Variants in CSMD1 observed in about 807,000 individuals in gnomAD.
CSMD1 encodes the protein CUB and Sushi multiple domains 1.
A neutral mutation model predicts 417.5 loss-of-function variants in CSMD1; 213 were observed. The observed-to-expected ratio is 0.51, with a 90% CI of 0.46 to 0.57. The LOEUF (loss-of-function observed/expected upper bound fraction) is 0.57. CSMD1 is among the 20% of genes least tolerant of loss of function. The pLI is 0.00. For missense variants in CSMD1, 6,923 were observed against 4,529.7 expected (o/e 1.53, Z -15.17); for synonymous variants, 2,862 against 1,736.8 (o/e 1.65, Z -16.11).
intron 5 of CSMD1, among the ~76,000 whole-genome samples, chr8:3,863,869 G>T (rs140889086): frequency 6.6e-6 from 1 of 152,064 alleles, no homozygotes; most frequent in African/African-American, 2.4e-5. Flanking sequence ...ACTTCTTTCA[G>T]TTTCAAAGAT....
At chr8:3,902,985 T>C (rs948225218) in intron 5 of CSMD1, among the ~76,000 whole-genome samples, 1 of 152,124 alleles carries the variant, frequency 6.6e-6, no homozygotes, top group African/African-American at 2.4e-5. Flanking sequence ...ACATGCATTG[T>C]TTTATTCTTT....
At chr8:3,955,928 G>C (rs1029637783) in intron 5 of CSMD1, among the ~76,000 whole-genome samples, 1 of 152,096 alleles carries the variant, frequency 6.6e-6, no homozygotes, top group African/African-American at 2.4e-5. Flanking sequence ...AAAGCAGCTG[G>C]GATTACAGGC....
At chr8:4,969,655 C>G (rs182358473) in intron 1 of CSMD1, among the ~76,000 whole-genome samples, 1 of 151,934 alleles carries the variant, frequency 6.6e-6, no homozygotes, top group Non-Finnish European at 1.5e-5. Context: ...ATTTTGAGCC[C>G]ATTGATTTCG....
chr8:4,090,164 GT>G (rs1456259227), intron 3 of CSMD1, among the ~76,000 whole-genome samples: 3 of 152,116 alleles, frequency 2.0e-5, no homozygotes, highest in African/African-American at 7.2e-5. Context: ...GCTTGATACT[GT>G]TTTGAGTGTA....
intron 1 of CSMD1, among the ~76,000 whole-genome samples, chr8:4,651,299 G>C (rs1585394689): frequency 2.6e-5 from 4 of 151,906 alleles, no homozygotes; most frequent in South Asian, 4.2e-4. Context: ...TTAAAGATTT[G>C]GTATTTCCAG....
At chr8:4,232,984 C>G (rs192258932) in intron 3 of CSMD1, among the ~76,000 whole-genome samples, 2 of 152,198 alleles carry the variant, frequency 1.3e-5, no homozygotes, top group African/African-American at 2.4e-5. Context: ...AAGGAGGAAA[C>G]AGGAAGAGGA....
chr8:3,599,163 CTG>C (rs965499661), intron 8 of CSMD1, among the ~76,000 whole-genome samples: 16 of 126,696 alleles, frequency 1.3e-4, no homozygotes, highest in Non-Finnish European at 1.6e-4. Flanking sequence ...GTGTGTGTGT[CTG>C]TGTGTGTGTG....
intron 7 of CSMD1, among the ~76,000 whole-genome samples, chr8:3,646,078 G>A (rs751433500): frequency 6.6e-6 from 1 of 151,346 alleles, no homozygotes; most frequent in Non-Finnish European, 1.5e-5. Context: ...GTGAATTGTG[G>A]CAGAGTTACA....
At chr8:4,907,955 G>T (rs940841435) in intron 1 of CSMD1, among the ~76,000 whole-genome samples, 1 of 152,068 alleles carries the variant, frequency 6.6e-6, no homozygotes, top group Admixed American at 6.5e-5. Context: ...TAAAAGTAAG[G>T]TTATGACTCA....
chr8:4,437,611 C>T (rs1231466483), intron 2 of CSMD1, among the ~76,000 whole-genome samples: 1 of 152,184 alleles, frequency 6.6e-6, no homozygotes. Flanking sequence ...CTCTATCAGC[C>T]TCTGTTCACC....
At chr8:4,826,566 C>T (rs927409841) in intron 1 of CSMD1, among the ~76,000 whole-genome samples, 4 of 152,096 alleles carry the variant, frequency 2.6e-5, no homozygotes, top group Non-Finnish European at 5.9e-5. Context: ...ACCAAGTTAG[C>T]GTAGTTGGGA....
chr8:3,483,616 G>T (rs947070209), intron 11 of CSMD1, among the ~76,000 whole-genome samples: 1 of 152,016 alleles, frequency 6.6e-6, no homozygotes, highest in Non-Finnish European at 1.5e-5. Flanking sequence ...ATATTTTATA[G>T]CCATTATAAT....
At chr8:3,636,951 T>A (rs764137468) in intron 7 of CSMD1, among the ~76,000 whole-genome samples, 1 of 152,170 alleles carries the variant, frequency 6.6e-6, no homozygotes, top group South Asian at 2.1e-4. Context: ...ATTGAGATGA[T>A]GGATTGCTAT....
chr8:4,150,791 T>G (rs1796528543), intron 3 of CSMD1, among the ~76,000 whole-genome samples: 2 of 152,148 alleles, frequency 1.3e-5, no homozygotes. Flanking sequence ...AATGTGTAGT[T>G]TGCGCACTTG....
chr8:4,701,176 A>G (rs1161643062), intron 1 of CSMD1, among the ~76,000 whole-genome samples: 1 of 152,066 alleles, frequency 6.6e-6, no homozygotes, highest in Non-Finnish European at 1.5e-5. Context: ...GCTAGGGGAG[A>G]GTCCGTCCGC....
chr8:4,908,841 TACTC>T, intron 1 of CSMD1, among the ~76,000 whole-genome samples: 1 of 152,308 alleles, frequency 6.6e-6, no homozygotes, highest in Middle Eastern at 3.4e-3. Context: ...ATACTAATCA[TACTC>T]ACTTAAAATA....
In CSMD1 at chr8:3,219,439, G is replaced by T; in HGVS notation, c.4488C>A (p.Phe1496Leu). 2 of 1,471,048 alleles carry T rather than the reference G, an allele frequency of 1.4e-6. No homozygotes were observed. Among genetic ancestry groups the T allele is most frequent in the Non-Finnish European group, 1.8e-6 (2 of 1,110,056 alleles). The allele number at this position is 1,471,048 out of a possible 1,614,324, so 91.1% of individuals were successfully genotyped here. Reference sequence around the variant, plus strand: ...GGAAGTCATAGCTGGGCTCCATGTTGAAACTAAAGAAAAGAATAGTAATTA... The same window carrying T: ...GGAAGTCATAGCTGGGCTCCATGTTTAAACTAAAGAAAAGAATAGTAATTA... The part of the protein sequence containing the change: ...DFVIALIFKS[F>L]NMEPSYDFLH... Residue 1496 changes from phenylalanine (F) to leucine (L), a missense_variant, in exon 29 of 70, where the codon TTC becomes TTA. Phe to Leu is a conservative substitution (Grantham distance 22). Coordinates refer to ENST00000635120, the MANE Select transcript of CSMD1 (RefSeq NM_033225.6).
intron 3 of CSMD1, among the ~76,000 whole-genome samples, chr8:4,370,133 G>A (rs1250780162): frequency 6.6e-6 from 1 of 151,680 alleles, no homozygotes; most frequent in African/African-American, 2.4e-5. Flanking sequence ...GGTAAGGCAG[G>A]TCGAGTTTCA....
intron 1 of CSMD1, among the ~76,000 whole-genome samples, chr8:4,794,597 G>A (rs192821949): frequency 6.6e-6 from 1 of 152,056 alleles, no homozygotes; most frequent in East Asian, 1.9e-4. Context: ...CCCCTCACAC[G>A]CCTCTGGGCT....
Sources: allele counts gnomAD v4.1 joint callset (sites outside exome capture counted in the v4.1 genomes callset), GRCh38; gene constraint gnomAD v4.1.1; transcripts MANE v1.5; gene names NCBI Gene and HGNC (gene_info 2026-07-23, HGNC 2026-07-21).